The following RGS3 variants were observed in gnomAD, a reference collection of about 807,000 sequenced individuals.
RGS3 encodes the protein regulator of G-protein signalling 3.
Under a neutral mutation model 132.6 loss-of-function variants are expected in RGS3, and 80 were observed. The ratio of observed to expected loss-of-function variants is 0.60; its 90% CI spans 0.50 to 0.73. The LOEUF (loss-of-function observed/expected upper bound fraction) is 0.73, where lower values mean the gene tolerates loss of function less well. Among genes scored for constraint, RGS3 ranks in the 30% least tolerant of loss-of-function variants. The probability of loss-of-function intolerance (pLI) is 0.00; values close to 1 mark genes in which losing one functional copy is unlikely to be tolerated. For missense variants in RGS3, 1,382 were observed against 1,530.8 expected, an observed-to-expected ratio of 0.90 and a Z score of 1.62; for synonymous variants, 598 against 620.6, an observed-to-expected ratio of 0.96 and a Z score of 0.54.
chr9:113,469,597 C>CA (rs1010738013), intron 3 of RGS3, among the ~76,000 whole-genome samples: 168 of 145,518 alleles, frequency 1.2e-3, no homozygotes, highest in African/African-American at 3.1e-3. Flanking sequence ...TGACTTCTCA[C>CA]AAAAAAAAAA....
At chr9:113,546,389 T>A (rs1340146510) in intron 19 of RGS3, among the ~76,000 whole-genome samples, 1 of 152,216 alleles carries the variant, frequency 6.6e-6, no homozygotes, top group Non-Finnish European at 1.5e-5. Context: ...TCTGGATGAC[T>A]GTGAGCTTCT....
intron 3 of RGS3, 116 bp from the exon 2 acceptor site, chr9:113,479,375 A>G: frequency 9.6e-7 from 1 of 1,038,704 alleles, no homozygotes; most frequent in Non-Finnish European, 1.5e-6. Context: ...GACTTGTGTG[A>G]GTCTTTGAAT....
At chr9:113,587,104 G>A (rs1480347082) in intron 20 of RGS3, among the ~76,000 whole-genome samples, 2 of 152,182 alleles carry the variant, frequency 1.3e-5, no homozygotes, top group African/African-American at 4.8e-5. Context: ...GCTGAGGCTA[G>A]TGAGAGATAT....
exon 20 of RGS3, chr9:113,584,199 C>T (rs762873124): frequency 4.3e-6 from 7 of 1,614,014 alleles, no homozygotes; most frequent in South Asian, 1.1e-5. Flanking sequence ...AGGGTGGCCT[C>T]TCACTGCGTG....
chr9:113,572,868 T>TC lies in RGS3; in HGVS notation c.2038-10575dup, dbSNP rs757094799. Among the ~76,000 whole-genome samples the TC allele has an allele frequency of 1.4e-4, 22 of 152,108 alleles. 1 individual carries two copies. The highest frequency in any genetic ancestry group is 1.1e-3 in the Admixed American group (17 of 15,290). On this transcript the variant is annotated intron_variant, in intron 19 of 24. Coordinates refer to ENST00000350696, the Ensembl canonical transcript of RGS3. Reference sequence around the variant, plus strand: ...CATCTGCCTTCTCAGCTTCCAAGTTTCCCCCCCTGAAACCTGCAACTAACA... The same window carrying TC: ...CATCTGCCTTCTCAGCTTCCAAGTTTCCCCCCCCTGAAACCTGCAACTAACA...
chr9:113,485,494 T>C, intron 6 of RGS3, 131 bp from the exon 5 acceptor site: 1 of 622,298 alleles, frequency 1.6e-6, no homozygotes, highest in Non-Finnish European at 2.9e-6. Flanking sequence ...TTACTTTATT[T>C]GTAATATAGT....
chr9:113,514,731 G>A (rs1831568147), intron 15 of RGS3, 77 bp downstream of exon 13: 18 of 1,436,424 alleles, frequency 1.3e-5, no homozygotes, highest in Admixed American at 1.9e-5. Flanking sequence ...AGGACTCAGG[G>A]ATGATGACTT....
At chr9:113,450,831 A>C (rs1288687991) in intron 1 of RGS3, among the ~76,000 whole-genome samples, 1 of 152,090 alleles carries the variant, frequency 6.6e-6, no homozygotes, top group African/African-American at 2.4e-5. Flanking sequence ...ATAATGAGGA[A>C]GACAATGGTG....
chr9:113,590,520 CCATCCATCCACT>C (rs1835365386), intron 20 of RGS3, among the ~76,000 whole-genome samples: 1 of 151,428 alleles, frequency 6.6e-6, no homozygotes, highest in Non-Finnish European at 1.5e-5. Flanking sequence ...ATCCATCCAT[CCATCCATCCACT>C]CATCTATCCA....
intron 10 of RGS3, among the ~76,000 whole-genome samples, chr9:113,500,003 G>A (rs1197073822): frequency 6.6e-6 from 1 of 152,068 alleles, no homozygotes; most frequent in East Asian, 1.9e-4. Context: ...TGATCAGGGG[G>A]CCTCCCTCGT....
intron 16 of RGS3, among the ~76,000 whole-genome samples, chr9:113,519,438 TG>T (rs1332128995): frequency 6.6e-6 from 1 of 151,330 alleles, no homozygotes; most frequent in Non-Finnish European, 1.5e-5. Context: ...TAAATATTAA[TG>T]TATTCCTTTT....
chr9:113,451,448 TTACTC>T (rs1296502113), intron 1 of RGS3, among the ~76,000 whole-genome samples: 5 of 152,192 alleles, frequency 3.3e-5, no homozygotes, highest in African/African-American at 4.8e-5. Flanking sequence ...GAAACAGACT[TTACTC>T]TACATAAGCC....
At chr9:113,474,604 CAT>C (rs895211955) in intron 3 of RGS3, among the ~76,000 whole-genome samples, 2 of 152,172 alleles carry the variant, frequency 1.3e-5, no homozygotes, top group Admixed American at 6.5e-5. Flanking sequence ...GACGTGTCCT[CAT>C]AAACGGAGGG....
chr9:113,465,599 A>T (rs897326883), intron 3 of RGS3, among the ~76,000 whole-genome samples: 1 of 152,094 alleles, frequency 6.6e-6, no homozygotes, highest in Non-Finnish European at 1.5e-5. Context: ...GCATTGGTCC[A>T]TGTTCTTCTA....
intron 3 of RGS3, among the ~76,000 whole-genome samples, chr9:113,475,001 T>G (rs1179265570): frequency 6.6e-6 from 1 of 152,206 alleles, no homozygotes; most frequent in Non-Finnish European, 1.5e-5. Context: ...CTGAATTTCT[T>G]TAGCTGGTGT....
rs1386352565 is a variant in RGS3 at position 113,507,411 on chromosome 9, A to G, written c.1210A>G (p.Asn404Asp). Residue 404 changes from asparagine (N) to aspartate (D), a missense_variant, in exon 13 of 25, where the codon AAC becomes GAC. By Grantham distance (23) the Asn-to-Asp change is conservative. Coordinates refer to ENST00000350696, the Ensembl canonical transcript of RGS3. This position sits in a 1 kb window ranked among gnomAD's most constrained non-coding sequence, Gnocchi z 5.0. Reference sequence around the variant, plus strand: ...GACACATGACCTCCAGTCACCCCCCAACAAACGGGAGAAGAACTGCACCCA... The same window carrying G: ...GACACATGACCTCCAGTCACCCCCCGACAAACGGGAGAAGAACTGCACCCA... 2.5e-6 allele frequency: 4 copies of G among 1,613,822 alleles called. No homozygotes were observed. The highest frequency in any genetic ancestry group is 1.6e-4 in the Middle Eastern group (1 of 6,062).
intron 23 of RGS3, chr9:113,595,352 A>G (rs747495853): frequency 1.0e-4 from 56 of 559,900 alleles, no homozygotes; most frequent in Non-Finnish European, 1.6e-4. Context: ...TCCGGGAGAC[A>G]GAATCGATAG....
chr9:113,583,330 C>A, intron 19 of RGS3, 120 bp from the exon 18 acceptor site: 1 of 1,459,152 alleles, frequency 6.9e-7, no homozygotes, highest in Admixed American at 2.6e-5. Context: ...GGCACCTCAG[C>A]TTTCAGACTG....
In RGS3 at chr9:113,477,365, C is replaced by T. The variant is rs567519767; in HGVS notation, c.416-2126C>T. Among the ~76,000 whole-genome samples the T allele has an allele frequency of 8.5e-5, 13 of 152,244 alleles. No individual in the cohort carries two copies. In the East Asian group the frequency reaches 1.5e-3, roughly 18 times the overall value. Reference sequence around the variant, plus strand: ...AACAGCAGATATTTCTGATGGATGACGGGCTGGACCAGGGTTTGCAGGAGC... The same window carrying T: ...AACAGCAGATATTTCTGATGGATGATGGGCTGGACCAGGGTTTGCAGGAGC... On this transcript the variant is annotated intron_variant, in intron 3 of 24. Transcript: ENST00000350696.
Sources: gnomAD v4.1 joint callset for allele counts (sites outside exome capture counted in the v4.1 genomes callset) on GRCh38, gnomAD v4.1.1 for gene constraint, Gnocchi (gnomAD v3.1) non-coding constraint, MANE v1.5 for transcripts, NCBI Gene and HGNC (gene_info 2026-07-23, HGNC 2026-07-21) for gene names.